Variants in ARMH3 observed in about 807,000 individuals in gnomAD.
ARMH3 encodes the protein armadillo-like helical domain-containing protein 3.
A neutral mutation model predicts 99.1 loss-of-function variants in ARMH3; 60 were observed. The observed-to-expected ratio is 0.61, with a 90% CI of 0.49 to 0.75. The LOEUF (loss-of-function observed/expected upper bound fraction) is 0.75, where lower values mean the gene tolerates loss of function less well. Ranked by LOEUF, ARMH3 falls within the 30% of genes least tolerant of loss-of-function variation. The pLI is 0.00. For synonymous variants in ARMH3, 285 were observed against 292.8 expected, an observed-to-expected ratio of 0.97 and a Z score of 0.27; for missense variants, 679 against 843.1, an observed-to-expected ratio of 0.81 and a Z score of 2.41.
intron 1 of ARMH3, among the ~76,000 whole-genome samples, chr10:102,053,226 A>T (rs1308392247): frequency 1.3e-5 from 2 of 150,836 alleles, no homozygotes; most frequent in Admixed American, 1.3e-4. Flanking sequence ...AAAAAAAAAA[A>T]AAAAAAAAAA....
At chr10:101,980,763 T>G (rs1301061809) in intron 19 of ARMH3, among the ~76,000 whole-genome samples, 3 of 152,152 alleles carry the variant, frequency 2.0e-5, no homozygotes, top group Admixed American at 6.5e-5. Flanking sequence ...TGCACATGTA[T>G]GTTCACTGCA....
chr10:101,962,976 T>C (rs941887433), intron 20 of ARMH3, among the ~76,000 whole-genome samples: 2 of 150,116 alleles, frequency 1.3e-5, no homozygotes, highest in African/African-American at 4.9e-5. Flanking sequence ...TTTTCTTTTT[T>C]TTTTTTTTTT....
At chr10:102,044,220 A>C (rs1245709839) in intron 1 of ARMH3, among the ~76,000 whole-genome samples, 1 of 149,066 alleles carries the variant, frequency 6.7e-6, no homozygotes, top group Non-Finnish European at 1.5e-5. Flanking sequence ...CAGCCTCCCC[A>C]GTAGCTGAGA....
chr10:101,976,291 G>C (rs532743624), intron 19 of ARMH3, among the ~76,000 whole-genome samples: 23 of 147,084 alleles, frequency 1.6e-4, no homozygotes, highest in African/African-American at 5.8e-4. Context: ...AGTGAACCAA[G>C]ATCGGGCCAC....
chr10:101,888,696 AGGAAAG>A (rs2067611892), intron 24 of ARMH3, among the ~76,000 whole-genome samples: 1 of 152,236 alleles, frequency 6.6e-6, no homozygotes, highest in African/African-American at 2.4e-5. Context: ...TAGGATGAAA[AGGAAAG>A]GGAACCATGT....
chr10:101,945,283 G>C (rs1844464112), intron 22 of ARMH3, among the ~76,000 whole-genome samples: 1 of 152,134 alleles, frequency 6.6e-6, no homozygotes, highest in Non-Finnish European at 1.5e-5. Context: ...TCATCTTTCT[G>C]GAGAAAGAAA....
intron 22 of ARMH3, among the ~76,000 whole-genome samples, chr10:101,946,886 G>GAA (rs1037472955): frequency 7.0e-6 from 1 of 141,856 alleles, no homozygotes; most frequent in African/African-American, 2.6e-5. Flanking sequence ...CAAAGATAAG[G>GAA]AAAAAAAAAA....
intron 2 of ARMH3, among the ~76,000 whole-genome samples, chr10:102,037,968 T>C (rs1256413677): frequency 6.6e-6 from 1 of 151,946 alleles, no homozygotes; most frequent in East Asian, 1.9e-4. Flanking sequence ...CACACTTCTG[T>C]AATATCACTG....
intron 23 of ARMH3, among the ~76,000 whole-genome samples, chr10:101,931,894 GA>G (rs1241613987): frequency 6.6e-6 from 1 of 152,040 alleles, no homozygotes; most frequent in African/African-American, 2.4e-5. Flanking sequence ...AGCAACAAGC[GA>G]AAAAATAGCT....
At chr10:102,054,494 G>A (rs2067788716) in intron 1 of ARMH3, among the ~76,000 whole-genome samples, 1 of 151,904 alleles carries the variant, frequency 6.6e-6, no homozygotes, top group Non-Finnish European at 1.5e-5. Context: ...CCCCTTTACA[G>A]TCGTAACAAG....
chr10:102,049,308 G>A (rs548675045), intron 1 of ARMH3, among the ~76,000 whole-genome samples: 2 of 152,304 alleles, frequency 1.3e-5, no homozygotes, highest in African/African-American at 4.8e-5. Flanking sequence ...TTGGGAGGCT[G>A]AGGCGGGCGG....
chr10:101,985,843 C>T (rs1846473770), intron 19 of ARMH3, among the ~76,000 whole-genome samples: 1 of 151,948 alleles, frequency 6.6e-6, no homozygotes, highest in Non-Finnish European at 1.5e-5. Context: ...ATGGTGAAAC[C>T]CTGTCTCTAC....
chr10:101,926,841 G>T (rs182651583), intron 23 of ARMH3, among the ~76,000 whole-genome samples: 12 of 152,268 alleles, frequency 7.9e-5, no homozygotes, highest in African/African-American at 2.4e-4. Context: ...AACCCTAAAG[G>T]ATCAGGGATA....
intron 22 of ARMH3, among the ~76,000 whole-genome samples, chr10:101,954,594 T>C (rs1181253139): frequency 6.6e-6 from 1 of 152,208 alleles, no homozygotes; most frequent in Admixed American, 6.5e-5. Context: ...TTGATTTTTG[T>C]GATAATTACA....
chr10:101,910,312 C>T (rs183365988), intron 23 of ARMH3, among the ~76,000 whole-genome samples: 1 of 152,286 alleles, frequency 6.6e-6, no homozygotes, highest in East Asian at 1.9e-4. Flanking sequence ...CTAGCTACTC[C>T]AAATGTAGCT....
intron 24 of ARMH3, among the ~76,000 whole-genome samples, chr10:101,853,137 C>T (rs1360912562): frequency 3.3e-5 from 5 of 151,576 alleles, no homozygotes; most frequent in Admixed American, 2.0e-4. Flanking sequence ...GTGCTCCACC[C>T]GCCTCAGTCT....
At chr10:101,882,976 C>T (rs915408485) in intron 24 of ARMH3, among the ~76,000 whole-genome samples, 4 of 152,138 alleles carry the variant, frequency 2.6e-5, no homozygotes, top group African/African-American at 9.7e-5. Context: ...CTCTCTAAAG[C>T]CTATTTATTC....
chr10:102,049,799 C>T (rs2067651141), intron 1 of ARMH3, among the ~76,000 whole-genome samples: 1 of 151,956 alleles, frequency 6.6e-6, no homozygotes, highest in Non-Finnish European at 1.5e-5. Flanking sequence ...TCAAGCAATC[C>T]TCCCACCTAG....
intron 24 of ARMH3, among the ~76,000 whole-genome samples, chr10:101,888,082 A>AG (rs2067597599): frequency 6.6e-6 from 1 of 151,704 alleles, no homozygotes; most frequent in African/African-American, 2.4e-5. Flanking sequence ...TTAAAAAAAA[A>AG]AAAAAGCTTT....
Sources: allele counts gnomAD v4.1 joint callset (sites outside exome capture counted in the v4.1 genomes callset), GRCh38; gene constraint gnomAD v4.1.1; transcripts MANE v1.5; gene names NCBI Gene and HGNC (gene_info 2026-07-23, HGNC 2026-07-21).